The following TNPO3 variants were observed in gnomAD, a reference collection of about 807,000 sequenced individuals.
The protein encoded by TNPO3 is transportin 3.
A neutral mutation model predicts 122.8 loss-of-function variants in TNPO3; 65 were observed. The ratio of observed to expected loss-of-function variants is 0.53; its 90% CI spans 0.43 to 0.65. The LOEUF (loss-of-function observed/expected upper bound fraction) is 0.65, where lower values mean the gene tolerates loss of function less well. TNPO3 is among the 30% of genes least tolerant of loss of function. The pLI is 0.00. For missense variants in TNPO3, 850 were observed against 1,136.7 expected (o/e 0.75, Z 3.63); for synonymous variants, 372 against 411.2 (o/e 0.90, Z 1.15).
At chr7:129,029,059 G>C (rs1419683314) in intron 1 of TNPO3, 1 of 284,278 alleles carries the variant, frequency 3.5e-6, no homozygotes, top group African/African-American at 2.3e-5. Context: ...ATCTAAGATA[G>C]TTAAAAGCTC....
At chr7:129,020,637 C>T (rs891946482) in intron 1 of TNPO3, among the ~76,000 whole-genome samples, 3 of 152,064 alleles carry the variant, frequency 2.0e-5, no homozygotes, top group East Asian at 1.9e-4. Flanking sequence ...GATGGGGTTT[C>T]GCCATGTTGC....
At chr7:129,040,533 T>C (rs1807251133) in intron 1 of TNPO3, among the ~76,000 whole-genome samples, 1 of 152,178 alleles carries the variant, frequency 6.6e-6, no homozygotes, top group Non-Finnish European at 1.5e-5. Context: ...ACTTAAAATA[T>C]ACATATAAGA....
At chr7:129,019,446 C>G (rs941762720) in intron 1 of TNPO3, among the ~76,000 whole-genome samples, 2 of 152,042 alleles carry the variant, frequency 1.3e-5, no homozygotes, top group African/African-American at 4.8e-5. Flanking sequence ...AAGATTGATA[C>G]GAAGCAAGTT....
chr7:128,997,186 CAG>C (rs1801425099), intron 8 of TNPO3, among the ~76,000 whole-genome samples: 1 of 152,144 alleles, frequency 6.6e-6, no homozygotes, highest in Admixed American at 6.5e-5. Context: ...TTTGTAGAGA[CAG>C]GGGATTCCCT....
chr7:128,963,577 C>T (rs541471381), intron 21 of TNPO3, among the ~76,000 whole-genome samples: 1 of 152,196 alleles, frequency 6.6e-6, no homozygotes, highest in African/African-American at 2.4e-5. Context: ...GGGTCACATG[C>T]TATTTTTCAG....
At chr7:128,969,508 G>T (rs576335674) in intron 20 of TNPO3, among the ~76,000 whole-genome samples, 2 of 152,082 alleles carry the variant, frequency 1.3e-5, no homozygotes, top group South Asian at 4.2e-4. Context: ...TTTTAAAAAT[G>T]ATTTCAGGTT....
rs557884244 is a variant in TNPO3, at chr7:129,050,571, T to C, written c.120+4080A>G. On this transcript the variant is annotated intron_variant, in intron 1 of 22. Transcript: ENST00000265388. ...CCACCATAACAGAAGACTCAAGGTT[T>C]ACTGTGGAAAGATTGAAGTAGGTGG... 8.5e-5 allele frequency among the ~76,000 whole-genome samples: 13 copies of C among 152,262 alleles called. No individual in the cohort carries two copies. The South Asian group carries it at 2.7e-3, about 32-fold the overall frequency.
At position 128,957,364 on chromosome 7, in the gene TNPO3, T is replaced by C. The variant is rs779418888; in HGVS notation, c.2712-49A>G. On this transcript the variant is annotated intron_variant, in intron 21 of 22. Coordinates refer to ENST00000265388, the MANE Select transcript of TNPO3 (RefSeq NM_012470.4). ...TCCTTGACTGAGGAGAAAGACAGAA[T>C]ATGCTGAAAAACAACTGCAACATTG... 6 of 1,599,232 alleles carry C rather than the reference T, an allele frequency of 3.8e-6. No individual in the cohort carries two copies. In the Admixed American group the frequency reaches 5.0e-5, roughly 13 times the overall value.
At chr7:128,993,778 A>T (rs759830554) in intron 9 of TNPO3, 29 bp downstream of exon 9, 10 of 1,578,494 alleles carry the variant, frequency 6.3e-6, no homozygotes, top group Non-Finnish European at 8.7e-6. Context: ...TGACTAGTAA[A>T]ACTGGAAACA....
chr7:128,982,865 T>C lies in TNPO3; in HGVS notation c.1783-541A>G, dbSNP rs537988100. On this transcript the variant is annotated intron_variant, in intron 13 of 22. Coordinates refer to ENST00000265388, the MANE Select transcript of TNPO3 (RefSeq NM_012470.4). ...AAAATCCCATTGGTATGTCTAAAGT[T>C]ATTGCACTATAAATATAACTGGAGA... Among the ~76,000 whole-genome samples, 4 of 152,360 alleles carry C rather than the reference T, an allele frequency of 2.6e-5. No individual in the cohort carries two copies. The South Asian group carries it at 8.3e-4, about 32-fold the overall frequency.
At chr7:128,965,857 C>T (rs1197199440) in intron 21 of TNPO3, among the ~76,000 whole-genome samples, 3 of 152,154 alleles carry the variant, frequency 2.0e-5, no homozygotes, top group African/African-American at 7.2e-5. Context: ...TATGATCTCA[C>T]TTATATGAGG....
chr7:128,977,599 CTTTTTTTTT>C (rs57577501), intron 16 of TNPO3, among the ~76,000 whole-genome samples: 1 of 135,756 alleles, frequency 7.4e-6, no homozygotes, highest in South Asian at 2.4e-4. Context: ...TTTCTTTTTT[CTTTTTTTTT>C]TTTTTTGAGA....
chr7:129,041,031 T>C (rs1446142703), intron 1 of TNPO3, among the ~76,000 whole-genome samples: 3 of 152,202 alleles, frequency 2.0e-5, no homozygotes, highest in African/African-American at 7.2e-5. Flanking sequence ...TTAAGGGTCA[T>C]AATTATCACT....
At chr7:129,012,357 A>AT (rs1296112060) in intron 4 of TNPO3, among the ~76,000 whole-genome samples, 1 of 151,818 alleles carries the variant, frequency 6.6e-6, no homozygotes, top group African/African-American at 2.4e-5. Flanking sequence ...TAGAATTTTA[A>AT]TTTTTTTTCA....
chr7:129,022,123 G>T (rs1168525177), intron 1 of TNPO3, among the ~76,000 whole-genome samples: 1 of 152,236 alleles, frequency 6.6e-6, no homozygotes, highest in South Asian at 2.1e-4. Context: ...GGCAGTTTAC[G>T]CCTGTAATCC....
Position 129,054,904 on chromosome 7 carries a change from C to T in TNPO3, c.-134G>A. The T allele has an allele frequency of 2.4e-6, 3 of 1,237,332 alleles. No homozygotes were observed. The South Asian group carries it at 4.1e-5, about 17-fold the overall frequency. 76.6% of individuals were successfully genotyped at this position (1,237,332 alleles called of 1,614,324 possible). A position where few individuals can be genotyped will look rare whatever the true frequency, so the allele number is the denominator to read the frequency against. On this transcript the variant is annotated 5_prime_UTR_variant, in exon 1 of 23. Transcript: ENST00000265388. ...CTGGCGCCATCTCCTCCTCTTTGGCCGTTACCAGGGCAGAAGGCTCTCCGT... is the reference window on the plus strand; with the variant it reads ...CTGGCGCCATCTCCTCCTCTTTGGCTGTTACCAGGGCAGAAGGCTCTCCGT...
intron 1 of TNPO3, among the ~76,000 whole-genome samples, chr7:129,036,118 T>A (rs1806640141): frequency 6.6e-6 from 1 of 152,018 alleles, no homozygotes; most frequent in African/African-American, 2.4e-5. Flanking sequence ...CACACCCGGC[T>A]AATTTTTGTA....
At chr7:129,013,086 T>C (rs948460546) in intron 4 of TNPO3, among the ~76,000 whole-genome samples, 3 of 152,240 alleles carry the variant, frequency 2.0e-5, no homozygotes, top group Non-Finnish European at 4.4e-5. Flanking sequence ...ACCTTTCAGT[T>C]CATCTTTAAG....
intron 4 of TNPO3, among the ~76,000 whole-genome samples, chr7:129,009,300 A>G (rs1218079307): frequency 1.3e-5 from 2 of 152,256 alleles, no homozygotes; most frequent in African/African-American, 4.8e-5. Context: ...GACAGACCAC[A>G]AAAGTATAAT....
Sources: gnomAD v4.1 joint callset for allele counts (sites outside exome capture counted in the v4.1 genomes callset) on GRCh38, gnomAD v4.1.1 for gene constraint, MANE v1.5 for transcripts, NCBI Gene and HGNC (gene_info 2026-07-23, HGNC 2026-07-21) for gene names.